Variants in PISD observed in about 807,000 individuals in gnomAD.
PISD encodes phosphatidylserine decarboxylase proenzyme, mitochondrial.
PISD carries 31 observed loss-of-function variants against 43.5 expected under a neutral mutation model. The observed-to-expected ratio is 0.71, with a 90% CI of 0.54 to 0.96. PISD has a LOEUF of 0.96. Ranked by LOEUF, PISD falls within the 40% of genes least tolerant of loss-of-function variation. The probability of loss-of-function intolerance (pLI) is 0.00; values close to 1 mark genes in which losing one functional copy is unlikely to be tolerated. For synonymous variants in PISD, 259 were observed against 228.7 expected, an observed-to-expected ratio of 1.13 and a Z score of -1.20; for missense variants, 523 against 548.4, an observed-to-expected ratio of 0.95 and a Z score of 0.46.
Position 31,618,767 on chromosome 22 carries a change from A to C in PISD, c.*845T>G. The C allele has an allele frequency of 4.9e-6, 1 of 205,016 alleles. No homozygotes were observed. Among genetic ancestry groups the C allele is most frequent in the Non-Finnish European group, 9.8e-6 (1 of 102,496 alleles). The allele number at this position is 205,016 out of a possible 1,614,324, so 12.7% of individuals were successfully genotyped here. On this transcript the variant is annotated 3_prime_UTR_variant, in exon 8 of 8. Coordinates refer to ENST00000439502, the MANE Select transcript of PISD (RefSeq NM_001326411.2). ...TATCCACCAAGGGTCCTCTGCCTCC[A>C]AGACAGACCCTGAATCAATAGCAGC...
At chr22:31,629,297 T>C in intron 3 of PISD, 1 of 862,968 alleles carries the variant, frequency 1.2e-6, no homozygotes, top group South Asian at 5.3e-5. Context: ...GGTGCAAGGG[T>C]ATGTGCATGG....
rs541791959 is a variant in PISD at position 31,629,697 on chromosome 22, C to G, written c.322-7812G>C. On this transcript the variant is annotated intron_variant, in intron 3 of 7. Coordinates refer to ENST00000439502, the MANE Select transcript of PISD (RefSeq NM_001326411.2). ...GTGTGTAGGGGTATGCGTGTATACACTTACAGTCCTGCTCCTAGTGGATTC... is the reference window on the plus strand; with the variant it reads ...GTGTGTAGGGGTATGCGTGTATACAGTTACAGTCCTGCTCCTAGTGGATTC... The G allele has an allele frequency of 2.0e-5, 3 of 152,154 alleles. No homozygotes were observed. In the East Asian group the frequency reaches 5.8e-4, roughly 29 times the overall value. The allele number at this position is 152,154 out of a possible 1,614,324, so 9.4% of individuals were successfully genotyped here. A position where few individuals can be genotyped will look rare whatever the true frequency, so the allele number is the denominator to read the frequency against.
At position 31,648,248 on chromosome 22, in the gene PISD, G is replaced by C; in HGVS notation, c.174C>G (p.Ala58=). The C allele has an allele frequency of 1.2e-6, 2 of 1,610,500 alleles. No homozygotes were observed. Among genetic ancestry groups the C allele is most frequent in the Non-Finnish European group, 1.7e-6 (2 of 1,178,996 alleles). ...GGGGACGCAGCAGGAACATGGTTCG[G>C]GCAGGGGCAGTGTGGATTTTTCTGG... The part of the protein sequence containing the change: ...TDARKIHTAP[A]RTMFLLRPLP... The change falls in exon 3 of 8, where the codon GCC becomes GCG. Residue 58 remains alanine (A), a synonymous_variant. Transcript: ENST00000439502.
In PISD at chr22:31,638,433, G is replaced by C. The variant is rs1027695349; in HGVS notation, c.321+9668C>G. 9 of 984,608 alleles carry C rather than the reference G, an allele frequency of 9.1e-6. No individual in the cohort carries two copies. The African/African-American group carries it at 1.4e-4, about 15-fold the overall frequency. 61.0% of individuals were successfully genotyped at this position (984,608 alleles called of 1,614,324 possible). On this transcript the variant is annotated intron_variant, in intron 3 of 7. Coordinates refer to ENST00000439502, the MANE Select transcript of PISD (RefSeq NM_001326411.2). ...CCTGGGTCTGTGGAGGGGCGAGGAAGGGGGGATGAAGGGGGATGAAGTGGG... is the reference window on the plus strand; with the variant it reads ...CCTGGGTCTGTGGAGGGGCGAGGAACGGGGGATGAAGGGGGATGAAGTGGG...
At chr22:31,655,772 T>C (rs1281760580) in intron 1 of PISD, among the ~76,000 whole-genome samples, 1 of 152,036 alleles carries the variant, frequency 6.6e-6, no homozygotes, top group African/African-American at 2.4e-5. Context: ...GTAGCTGGGA[T>C]TACAGGCACA....
At chr22:31,653,487 T>C (rs1173762957) in intron 1 of PISD, among the ~76,000 whole-genome samples, 1 of 152,152 alleles carries the variant, frequency 6.6e-6, no homozygotes, top group Non-Finnish European at 1.5e-5. Flanking sequence ...GTATCCACCG[T>C]AACTGGACAC....
chr22:31,625,758 C>T, intron 3 of PISD: 2 of 1,583,274 alleles, frequency 1.3e-6, no homozygotes, highest in South Asian at 1.1e-5. Context: ...TGGGCAGCAT[C>T]TCACCATTTC....
chr22:31,628,916 TG>T, intron 3 of PISD: 2 of 985,070 alleles, frequency 2.0e-6, no homozygotes, highest in Non-Finnish European at 2.4e-6. Context: ...ACAGGAAAGA[TG>T]AAATAAGAGG....
rs571363852 is a variant in PISD, at chr22:31,621,039, G to C, written c.801C>G (p.His267Gln). 2 of 1,613,964 alleles carry C rather than the reference G, an allele frequency of 1.2e-6. No individual in the cohort carries two copies. The highest frequency in any genetic ancestry group is 1.1e-5 in the South Asian group (1 of 91,088). The stretch of plus-strand genomic sequence containing the variant: ...GGGACACAGTCCAGTCGGTGGGGGA[G>C]TGGAAGCAGTGGTAGTCCCCAGGGG... Reference protein sequence around the residue: ...YLAPGDYHCFHSPTDWTVSHR... With the variant: ...YLAPGDYHCFQSPTDWTVSHR... The change falls in exon 6 of 8, where the codon CAC becomes CAG. Residue 267 changes from histidine to glutamine, a missense_variant. By Grantham distance (24) the His-to-Gln change is conservative (BLOSUM62 0). Transcript: ENST00000439502.
chr22:31,641,730 G>T (rs1483633929), intron 3 of PISD, among the ~76,000 whole-genome samples: 1 of 151,128 alleles, frequency 6.6e-6, no homozygotes, highest in Non-Finnish European at 1.5e-5. Context: ...TGAGGCAGGA[G>T]AACTGCTTGA....
intron 6 of PISD, 118 bp downstream of exon 6, chr22:31,620,878 A>G: frequency 7.2e-7 from 1 of 1,385,042 alleles, no homozygotes; most frequent in South Asian, 1.4e-5. Flanking sequence ...TGCATAAAGC[A>G]GTCAACTCCT....
intron 3 of PISD, among the ~76,000 whole-genome samples, chr22:31,643,661 G>T (rs1057490739): frequency 6.6e-6 from 1 of 152,168 alleles, no homozygotes; most frequent in African/African-American, 2.4e-5. Context: ...TGTAATTCTA[G>T]CACTTTGGGA....
At chr22:31,648,367 G>C (rs2073939826) in intron 2 of PISD, 91 bp from the exon 3 acceptor site, 1 of 1,148,974 alleles carries the variant, frequency 8.7e-7, no homozygotes, top group Non-Finnish European at 1.2e-6. Flanking sequence ...GTCAGGAAAA[G>C]TCAGCGCACC....
chr22:31,653,059 A>C (rs2074073764), intron 1 of PISD, among the ~76,000 whole-genome samples: 2 of 148,318 alleles, frequency 1.3e-5, no homozygotes, highest in East Asian at 3.9e-4. Flanking sequence ...AAAAAAAAAA[A>C]CCACACCCAC....
At chr22:31,624,712 GACACACACACACACACACACACACAC>G (rs55946723) in intron 3 of PISD, among the ~76,000 whole-genome samples, 19 of 111,990 alleles carry the variant, frequency 1.7e-4, no homozygotes, top group East Asian at 5.8e-4. Context: ...AGCAAAGGTG[GACACACACACACACACACACACACAC>G]ACACACACAC....
rs777361129 is a variant in PISD at position 31,621,399 on chromosome 22, A to G, written c.632T>C (p.Val211Ala). Residue 211 changes from valine (V) to alanine (A), a missense_variant, in exon 5 of 8, where the codon GTC becomes GCC. Val to Ala is a moderately conservative substitution (Grantham distance 64). Coordinates refer to ENST00000439502, the MANE Select transcript of PISD (RefSeq NM_001326411.2). ...CAGGAACGACTCCAGGGAGTAGGTG[A>G]CCCCCTTTACCTGCTCCACCTCACA... ...KNCEVEQVKG[V>A]TYSLESFLGP... 1.2e-6 allele frequency: 2 copies of G among 1,613,802 alleles called. No homozygotes were observed. The highest frequency in any genetic ancestry group is 1.7e-5 in the Admixed American group (1 of 59,974).
At position 31,619,618 on chromosome 22, in the gene PISD, C is replaced by G; in HGVS notation, c.1224G>C (p.Ser408=). The G allele has an allele frequency of 6.2e-7, 1 of 1,612,706 alleles. No homozygotes were observed. Residue 408 remains serine, a synonymous_variant, in exon 8 of 8, where the codon TCG becomes TCC. Coordinates refer to ENST00000439502, the MANE Select transcript of PISD (RefSeq NM_001326411.2). ...QKIRFGEALG[S]L ...CATAATCAGGAAAGAGACTCTAGAG[C>G]GAGCCCAGGGCTTCCCCAAAGCGGA...
At chr22:31,629,132 C>T (rs977343065) in intron 3 of PISD, 1 of 985,400 alleles carries the variant, frequency 1.0e-6, no homozygotes, top group Non-Finnish European at 1.2e-6. Flanking sequence ...CAACACCTGC[C>T]CCCCCAGTGG....
intron 3 of PISD, among the ~76,000 whole-genome samples, chr22:31,642,317 T>C (rs1451592301): frequency 6.6e-6 from 1 of 150,790 alleles, no homozygotes; most frequent in East Asian, 1.9e-4. Flanking sequence ...GTGGTGGTGG[T>C]GCATGCCTGT....
Sources: allele counts gnomAD v4.1 joint callset (sites outside exome capture counted in the v4.1 genomes callset), GRCh38; gene constraint gnomAD v4.1.1; transcripts MANE v1.5; gene names NCBI Gene and HGNC (gene_info 2026-07-23, HGNC 2026-07-21).